The following WDR86 variants were observed in gnomAD, a reference collection of about 807,000 sequenced individuals.
WDR86 encodes WD repeat-containing protein 86.
In WDR86, 30 loss-of-function variants were observed where a neutral mutation model predicts 36.5. That is an observed-to-expected ratio of 0.82 (90% CI 0.61 to 1.11). The LOEUF is 1.11. Among genes scored for constraint, WDR86 ranks in the 50% most tolerant of loss-of-function variants. WDR86 has a pLI of 0.00. For missense variants in WDR86, 545 were observed against 561.2 expected (o/e 0.97, Z 0.29); for synonymous variants, 255 against 252.9 (o/e 1.01, Z -0.08).
At chr7:151,382,979 CTT>C (rs58266298) in intron 4 of WDR86, among the ~76,000 whole-genome samples, 5 of 141,180 alleles carry the variant, frequency 3.5e-5, no homozygotes, top group African/African-American at 1.0e-4. Flanking sequence ...GTTCCCCAGC[CTT>C]TTTTTTTTTT....
rs1019274080 is a variant in WDR86, at chr7:151,401,090, A to T, written c.164-849T>A. On this transcript the variant is annotated intron_variant, in intron 1 of 5. Coordinates refer to ENST00000334493, the MANE Select transcript of WDR86 (RefSeq NM_198285.3). This position sits in a 1 kb window ranked among gnomAD's most constrained non-coding sequence, Gnocchi z 4.3. ...AACCCCCTTGCCCACCTGCTCATGA[A>T]TAATCAGGTAAGACTCCTAAAAAGG... is the stretch of plus-strand genomic sequence containing the variant. 3.9e-5 allele frequency among the ~76,000 whole-genome samples: 6 copies of T among 152,194 alleles called. No homozygotes were observed. The highest frequency in any genetic ancestry group is 1.4e-4 in the African/African-American group (6 of 41,440).
In WDR86 at chr7:151,385,228, G is replaced by T; in HGVS notation, c.727-5C>A. The T allele has an allele frequency of 6.2e-7, 1 of 1,610,872 alleles. No homozygotes were observed. On this transcript the variant is annotated splice_region_variant and splice_polypyrimidine_tract_variant and intron_variant, in intron 3 of 5. Transcript: ENST00000334493. The stretch of plus-strand genomic sequence containing the variant: ...GTACACGAGTCGGTTCACCAGCTGC[G>T]AGGAGGAGCAGGGAAGGTCGGCAGC...
chr7:151,371,718 T>C (rs1381439857), downstream of WDR86, among the ~76,000 whole-genome samples: 3 of 152,194 alleles, frequency 2.0e-5, no homozygotes, highest in Admixed American at 2.0e-4. Flanking sequence ...GGTATGAGCA[T>C]CTGACTGAGC....
chr7:151,389,792 G>T (rs573904582), intron 3 of WDR86, among the ~76,000 whole-genome samples: 9 of 152,212 alleles, frequency 5.9e-5, no homozygotes, highest in African/African-American at 1.7e-4. Context: ...AGGAGATGAG[G>T]TGTCATAGAC....
At chr7:151,397,821 GGT>G (rs1799974082) in intron 2 of WDR86, among the ~76,000 whole-genome samples, 1 of 116,286 alleles carries the variant, frequency 8.6e-6, no homozygotes, top group Admixed American at 9.1e-5. Flanking sequence ...GGAGGAAGAG[GGT>G]GTAGCGGGAG....
intron 3 of WDR86, among the ~76,000 whole-genome samples, chr7:151,387,723 C>A (rs1347541774): frequency 1.3e-5 from 2 of 152,162 alleles, no homozygotes; most frequent in East Asian, 3.9e-4. Flanking sequence ...GAGGGCCTGG[C>A]AGGCTCCAGA....
chr7:151,383,957 T>G (rs1348966266), intron 4 of WDR86, among the ~76,000 whole-genome samples: 1 of 152,182 alleles, frequency 6.6e-6, no homozygotes, highest in African/African-American at 2.4e-5. Context: ...CTTCCTCGTG[T>G]TCAATTAGAG....
At chr7:151,386,160 G>A (rs1230632132) in intron 3 of WDR86, among the ~76,000 whole-genome samples, 1 of 152,192 alleles carries the variant, frequency 6.6e-6, no homozygotes, top group Non-Finnish European at 1.5e-5. Context: ...CAGGCAGTGG[G>A]CCCACCGGCA....
chr7:151,402,070 A>AAATATATATATATATATATATAT, intron 1 of WDR86, among the ~76,000 whole-genome samples: 3 of 50,532 alleles, frequency 5.9e-5, no homozygotes, highest in Non-Finnish European at 1.0e-4. Context: ...AAAAAAAAAA[A>AAATATATATATATATATATATAT]ATATATATAT....
At chr7:151,391,769 G>A (rs767817838) in intron 3 of WDR86, among the ~76,000 whole-genome samples, 25 of 152,098 alleles carry the variant, frequency 1.6e-4, no homozygotes, top group Middle Eastern at 3.2e-3. Flanking sequence ...GGGAGATGGC[G>A]GGAACAAAGT....
intron 3 of WDR86, among the ~76,000 whole-genome samples, chr7:151,387,962 C>T (rs370297936): frequency 1.2e-3 from 185 of 152,406 alleles, no homozygotes; most frequent in African/African-American, 4.2e-3. Flanking sequence ...CTGCTAAGAA[C>T]GAGGCCACAA....
chr7:151,382,126 C>T, intron 4 of WDR86, 145 bp from the exon 5 acceptor site: 1 of 685,712 alleles, frequency 1.5e-6, no homozygotes, highest in South Asian at 1.8e-5. Context: ...GTGGACAGTG[C>T]CCCTCCAGAG....
At position 151,405,739 on chromosome 7, in the gene WDR86, C is replaced by G. The variant is rs1340367049; in HGVS notation, c.163+3688G>C. ...AGCGTGCCGCAGGCCTCCTTCAGCC[C>G]AGTCTTCTGGGCCACTGCTCTCCCG... is the stretch of plus-strand genomic sequence containing the variant. On this transcript the variant is annotated intron_variant, in intron 1 of 5. Coordinates refer to ENST00000334493, the MANE Select transcript of WDR86 (RefSeq NM_198285.3). This position sits in a 1 kb window ranked among gnomAD's most constrained non-coding sequence, Gnocchi z 4.7. Among the ~76,000 whole-genome samples the G allele has an allele frequency of 6.6e-6, 1 of 152,202 alleles. No homozygotes were observed. Among genetic ancestry groups the G allele is most frequent in the Non-Finnish European group, 1.5e-5 (1 of 68,032 alleles).
At chr7:151,407,092 A>C (rs1800760281) in intron 1 of WDR86, among the ~76,000 whole-genome samples, 1 of 152,214 alleles carries the variant, frequency 6.6e-6, no homozygotes, top group Non-Finnish European at 1.5e-5. Flanking sequence ...CCCGTCCTTG[A>C]AAATTCCTGA....
At chr7:151,392,684 AG>A (rs1032677353) in intron 3 of WDR86, among the ~76,000 whole-genome samples, 5 of 152,140 alleles carry the variant, frequency 3.3e-5, no homozygotes, top group Non-Finnish European at 5.9e-5. Context: ...CCGGCCGCCC[AG>A]GGACCTCCCA....
At chr7:151,397,643 CATA>C (rs1799926632) in intron 2 of WDR86, among the ~76,000 whole-genome samples, 1 of 117,686 alleles carries the variant, frequency 8.5e-6, no homozygotes, top group African/African-American at 3.3e-5. Flanking sequence ...GGAGGAAGGG[CATA>C]GCGGGAGGAA....
chr7:151,376,353 C>T (rs1377796929), downstream of WDR86: 8 of 494,128 alleles, frequency 1.6e-5, no homozygotes, highest in African/African-American at 5.8e-5. Flanking sequence ...ACTGACCTCG[C>T]GGTGCTCGTG....
At chr7:151,377,254 T>A (rs1319380928), downstream of WDR86, 12 of 1,390,594 alleles carry the variant, frequency 8.6e-6, no homozygotes, top group Non-Finnish European at 1.1e-5. Flanking sequence ...GCTAATTTTC[T>A]GCTTATAAAT....
At chr7:151,375,871 G>A (rs915974904), downstream of WDR86, 3 of 1,612,374 alleles carry the variant, frequency 1.9e-6, no homozygotes, top group South Asian at 1.1e-5. Flanking sequence ...ATCCTCAGAT[G>A]TGGTGGTTAA....
Sources: allele counts gnomAD v4.1 joint callset (sites outside exome capture counted in the v4.1 genomes callset), GRCh38; gene constraint gnomAD v4.1.1; non-coding constraint Gnocchi (gnomAD v3.1); transcripts MANE v1.5; gene names NCBI Gene and HGNC (gene_info 2026-07-23, HGNC 2026-07-21).